NRG1: variants seen among roughly 807,000 people sequenced by gnomAD.
NRG1 encodes pro-neuregulin-1, membrane-bound isoform.
A neutral mutation model predicts 63.8 loss-of-function variants in NRG1; 18 were observed. The ratio of observed to expected loss-of-function variants is 0.28; its 90% CI spans 0.19 to 0.42. The LOEUF is 0.42. Among genes scored for constraint, NRG1 ranks in the 10% least tolerant of loss-of-function variants. NRG1 has a pLI of 1.00. For missense variants in NRG1, 762 were observed against 814.7 expected, an observed-to-expected ratio of 0.94 and a Z score of 0.79; for synonymous variants, 302 against 301.3, an observed-to-expected ratio of 1.00 and a Z score of -0.02.
At chr8:32,704,052 CAA>C (rs1038208154) in intron 5 of NRG1, among the ~76,000 whole-genome samples, 1 of 152,184 alleles carries the variant, frequency 6.6e-6, no homozygotes, top group African/African-American at 2.4e-5. Context: ...CCTTCAGTAA[CAA>C]AGAATGAGTC....
intron 1 of NRG1, among the ~76,000 whole-genome samples, chr8:32,051,903 G>T: frequency 6.6e-6 from 1 of 152,282 alleles, no homozygotes; most frequent in South Asian, 2.1e-4. Context: ...TTTGCAGCGG[G>T]GAGGTGGATA....
chr8:32,163,145 G>A (rs1285248502), intron 1 of NRG1, among the ~76,000 whole-genome samples: 1 of 152,204 alleles, frequency 6.6e-6, no homozygotes, highest in African/African-American at 2.4e-5. Flanking sequence ...AGCGAGACAG[G>A]AAGGGAACCC....
At chr8:32,075,873 G>A (rs1381231822) in intron 1 of NRG1, among the ~76,000 whole-genome samples, 6 of 152,044 alleles carry the variant, frequency 3.9e-5, no homozygotes, top group South Asian at 2.1e-4. Context: ...GGGTTTCGCC[G>A]TCTTGGCCAG....
At chr8:32,039,005 A>G (rs1373685894) in intron 1 of NRG1, among the ~76,000 whole-genome samples, 2 of 152,150 alleles carry the variant, frequency 1.3e-5, no homozygotes, top group African/African-American at 4.8e-5. Flanking sequence ...TTGAACACTG[A>G]CCGGACAAGT....
intron 1 of NRG1, among the ~76,000 whole-genome samples, chr8:32,297,070 G>A (rs796305120): frequency 3.9e-5 from 6 of 152,076 alleles, no homozygotes; most frequent in African/African-American, 1.4e-4. Context: ...AGCCAAGATC[G>A]CGCCACTGCA....
At chr8:32,190,469 A>C (rs1232639015) in intron 1 of NRG1, among the ~76,000 whole-genome samples, 1 of 152,156 alleles carries the variant, frequency 6.6e-6, no homozygotes, top group African/African-American at 2.4e-5. Flanking sequence ...TTCCGGTTTT[A>C]CCCATACAAC....
At chr8:31,871,928 TA>T (rs1024476114) in intron 1 of NRG1, among the ~76,000 whole-genome samples, 1 of 152,178 alleles carries the variant, frequency 6.6e-6, no homozygotes, top group Non-Finnish European at 1.5e-5. Context: ...ATGTGGCTTT[TA>T]TTTTTTTTAC....
At chr8:32,299,193 G>T (rs928772860) in intron 1 of NRG1, among the ~76,000 whole-genome samples, 2 of 151,944 alleles carry the variant, frequency 1.3e-5, no homozygotes, top group African/African-American at 2.4e-5. Context: ...TAATAGATTG[G>T]CTGGATGTTT....
intron 5 of NRG1, among the ~76,000 whole-genome samples, chr8:32,641,007 G>A (rs1223606986): frequency 6.6e-6 from 1 of 151,866 alleles, no homozygotes; most frequent in East Asian, 1.9e-4. Flanking sequence ...GCCAGGCATG[G>A]TGGCATGCAC....
intron 1 of NRG1, among the ~76,000 whole-genome samples, chr8:31,863,414 C>A (rs1318240228): frequency 6.6e-6 from 1 of 152,102 alleles, no homozygotes; most frequent in Non-Finnish European, 1.5e-5. Flanking sequence ...TTTAATGTTA[C>A]CTGCCAAGAT....
chr8:32,746,867 CTT>C (rs376346951), intron 7 of NRG1, among the ~76,000 whole-genome samples: 8,864 of 127,120 alleles, frequency 0.07, 342 homozygotes, highest in African/African-American at 0.12. Context: ...GTGTATTCTG[CTT>C]TTTTTTTTTT....
intron 1 of NRG1, among the ~76,000 whole-genome samples, chr8:32,115,994 T>C (rs1180648053): frequency 6.6e-6 from 1 of 152,106 alleles, no homozygotes; most frequent in Non-Finnish European, 1.5e-5. Context: ...TAATATAAGG[T>C]TATTGCTTGA....
At chr8:31,788,766 G>A (rs1563403128) in intron 1 of NRG1, among the ~76,000 whole-genome samples, 1 of 152,088 alleles carries the variant, frequency 6.6e-6, no homozygotes, top group Non-Finnish European at 1.5e-5. Flanking sequence ...ATTTAATGAA[G>A]GTATTTTAAT....
intron 1 of NRG1, among the ~76,000 whole-genome samples, chr8:31,684,295 G>A (rs1808638885): frequency 6.6e-6 from 1 of 152,132 alleles, no homozygotes; most frequent in Non-Finnish European, 1.5e-5. Flanking sequence ...TAGGTAGTGA[G>A]GTCTCTGACC....
chr8:32,385,107 C>T (rs1810829284), intron 1 of NRG1, among the ~76,000 whole-genome samples: 1 of 152,178 alleles, frequency 6.6e-6, no homozygotes, highest in Non-Finnish European at 1.5e-5. Flanking sequence ...GCAAGCTCCG[C>T]CTCCCAGGTG....
intron 1 of NRG1, among the ~76,000 whole-genome samples, chr8:32,354,178 G>A (rs1771075534): frequency 6.6e-6 from 1 of 151,996 alleles, no homozygotes; most frequent in Non-Finnish European, 1.5e-5. Flanking sequence ...AGACCCCCCA[G>A]GCCCACATGG....
intron 7 of NRG1, among the ~76,000 whole-genome samples, chr8:32,743,943 A>C (rs1473313799): frequency 6.6e-6 from 1 of 152,126 alleles, no homozygotes; most frequent in African/African-American, 2.4e-5. Context: ...TAAACAATGC[A>C]TAAAACTGAT....
chr8:32,724,732 A>T (rs746021016), intron 5 of NRG1, among the ~76,000 whole-genome samples: 19 of 152,148 alleles, frequency 1.2e-4, no homozygotes, highest in Non-Finnish European at 5.9e-5. Context: ...CTGGGAGCTC[A>T]TTGTTGCCTT....
chr8:32,371,634 T>C (rs1400316136), intron 1 of NRG1, among the ~76,000 whole-genome samples: 2 of 152,216 alleles, frequency 1.3e-5, no homozygotes, highest in Non-Finnish European at 2.9e-5. Context: ...ACTTTGAGAT[T>C]CCTTAAGAAG....
Sources: gnomAD v4.1 joint callset for allele counts (sites outside exome capture counted in the v4.1 genomes callset) on GRCh38, gnomAD v4.1.1 for gene constraint, MANE v1.5 for transcripts, NCBI Gene and HGNC (gene_info 2026-07-23, HGNC 2026-07-21) for gene names.